ALPK1: variants seen among roughly 807,000 people sequenced by gnomAD.
ALPK1 encodes the protein alpha kinase 1.
A neutral mutation model predicts 120.6 loss-of-function variants in ALPK1; 110 were observed. That is an observed-to-expected ratio of 0.91 (90% CI 0.78 to 1.07). The LOEUF (loss-of-function observed/expected upper bound fraction) is 1.07. Among genes scored for constraint, ALPK1 ranks in the 50% least tolerant of loss-of-function variants. The pLI is 0.00. For missense variants in ALPK1, 1,498 were observed against 1,483.9 expected, an observed-to-expected ratio of 1.01 and a Z score of -0.16; for synonymous variants, 582 against 560.3, an observed-to-expected ratio of 1.04 and a Z score of -0.55.
chr4:112,394,878 C>A (rs1394002733), intron 4 of ALPK1, among the ~76,000 whole-genome samples: 1 of 152,160 alleles, frequency 6.6e-6, no homozygotes, highest in African/African-American at 2.4e-5. Context: ...AAGTGTTGGG[C>A]AGACAAAAGA....
chr4:112,420,488 G>A (rs1733940188), intron 5 of ALPK1, among the ~76,000 whole-genome samples: 1 of 152,162 alleles, frequency 6.6e-6, no homozygotes, highest in African/African-American at 2.4e-5. Flanking sequence ...GGACAAACAA[G>A]TCTTCTCAGG....
Position 112,432,492 on chromosome 4 carries a change from A to G in ALPK1, c.2945A>G (p.Lys982Arg). 6.2e-7 allele frequency: 1 copy of G among 1,614,190 alleles called. No individual in the cohort carries two copies. Among genetic ancestry groups the G allele is most frequent in the Non-Finnish European group, 8.5e-7 (1 of 1,180,036 alleles). ...ACCTTGCAACCTGATGACTTTGAAA[A>G]GCTGTTGGCAGGAGTGAGGCATGAT... is the stretch of plus-strand genomic sequence containing the variant. ...ARTLQPDDFE[K>R]LLAGVRHDWL... Residue 982 changes from lysine (K) to arginine (R), a missense_variant, in exon 11 of 16, where the codon AAG becomes AGG. Coordinates refer to ENST00000650871, the MANE Select transcript of ALPK1 (RefSeq NM_025144.4).
intron 4 of ALPK1, among the ~76,000 whole-genome samples, chr4:112,390,669 G>A (rs1411705219): frequency 3.3e-5 from 5 of 152,206 alleles, no homozygotes; most frequent in African/African-American, 1.2e-4. Flanking sequence ...GGTGTTTGAT[G>A]TGCATGTGTG....
At chr4:112,396,870 T>G (rs1444641877) in intron 4 of ALPK1, among the ~76,000 whole-genome samples, 1 of 151,798 alleles carries the variant, frequency 6.6e-6, no homozygotes, top group Non-Finnish European at 1.5e-5. Flanking sequence ...CTCCATCTCC[T>G]GGGTTCAAGC....
At chr4:112,330,171 G>T (rs1729304199) in intron 2 of ALPK1, among the ~76,000 whole-genome samples, 1 of 152,200 alleles carries the variant, frequency 6.6e-6, no homozygotes, top group South Asian at 2.1e-4. Context: ...AGACAACCAA[G>T]TCAAAAGAGG....
intron 11 of ALPK1, among the ~76,000 whole-genome samples, 188 bp from the exon 12 acceptor site, chr4:112,434,960 T>C (rs2023827): frequency 0.68 from 103,166 of 152,080 alleles, 35,142 homozygotes; most frequent in African/African-American, 0.73. Flanking sequence ...AAAGTGTTAC[T>C]TTTTTATTAT....
Position 112,377,741 on chromosome 4 carries a change from C to A in ALPK1, c.-37C>A, listed in dbSNP as rs779096036. On this transcript the variant is annotated 5_prime_UTR_variant, in exon 3 of 16. Coordinates refer to ENST00000650871, the MANE Select transcript of ALPK1 (RefSeq NM_025144.4). ...ATGTCTTCTCCTAGGTAATTGATCA[C>A]CCTAGACCCAGGGACACCCAATTCA... is the stretch of plus-strand genomic sequence containing the variant. The A allele has an allele frequency of 1.9e-6, 3 of 1,584,708 alleles. No homozygotes were observed. Among genetic ancestry groups the A allele is most frequent in the Non-Finnish European group, 2.6e-6 (3 of 1,160,424 alleles).
At chr4:112,356,694 GC>G (rs2148714049) in intron 2 of ALPK1, 1 of 974,624 alleles carries the variant, frequency 1.0e-6, no homozygotes, top group East Asian at 2.8e-5. Context: ...GAGCTGGCCA[GC>G]CCCATCCTGG....
At chr4:112,398,418 G>T (rs529864021) in intron 4 of ALPK1, among the ~76,000 whole-genome samples, 228 of 152,122 alleles carry the variant, frequency 1.5e-3, no homozygotes, top group Non-Finnish European at 3.0e-3. Context: ...TCAACCTCCA[G>T]AATAGCTGAG....
intron 2 of ALPK1, among the ~76,000 whole-genome samples, chr4:112,330,584 C>A (rs1357671228): frequency 1.3e-5 from 2 of 152,222 alleles, no homozygotes; most frequent in Non-Finnish European, 2.9e-5. Context: ...TCCACTCCTG[C>A]TTCTTCCCTT....
intron 2 of ALPK1, chr4:112,343,275 A>G (rs1729943879): frequency 6.6e-6 from 1 of 152,218 alleles, no homozygotes; most frequent in South Asian, 2.1e-4. Flanking sequence ...ACTTCGTTTT[A>G]ACTAGAAAAC....
intron 2 of ALPK1, chr4:112,356,269 C>A: frequency 8.1e-7 from 1 of 1,241,968 alleles, no homozygotes; most frequent in South Asian, 1.2e-5. Context: ...CGGGCACAGG[C>A]AAGACGCTGT....
chr4:112,304,230 A>G (rs929594304), intron 1 of ALPK1, among the ~76,000 whole-genome samples: 2 of 152,098 alleles, frequency 1.3e-5, no homozygotes, highest in Admixed American at 6.5e-5. Context: ...GTGTCTTTAT[A>G]GCAGCATGAT....
At chr4:112,437,294 T>A (rs1734828478) in intron 12 of ALPK1, among the ~76,000 whole-genome samples, 1 of 151,562 alleles carries the variant, frequency 6.6e-6, no homozygotes, top group African/African-American at 2.4e-5. Context: ...ATAAAGACAT[T>A]TGCAGCTTAA....
intron 2 of ALPK1, among the ~76,000 whole-genome samples, chr4:112,376,701 A>G (rs1386760467): frequency 1.3e-5 from 2 of 152,236 alleles, no homozygotes; most frequent in Non-Finnish European, 2.9e-5. Flanking sequence ...GCATAAGCTC[A>G]GAGACAGAAT....
intron 3 of ALPK1, among the ~76,000 whole-genome samples, chr4:112,378,139 G>A (rs1304467906): frequency 6.6e-6 from 1 of 152,062 alleles, no homozygotes; most frequent in Non-Finnish European, 1.5e-5. Context: ...GTAAACATGA[G>A]GCTACAAGAA....
chr4:112,392,754 C>T (rs1732476152), intron 4 of ALPK1, among the ~76,000 whole-genome samples: 2 of 152,016 alleles, frequency 1.3e-5, no homozygotes, highest in Admixed American at 1.3e-4. Flanking sequence ...TGGTCTCAAA[C>T]TCCTGAGCTC....
chr4:112,389,275 C>T (rs1391839049), intron 4 of ALPK1, among the ~76,000 whole-genome samples: 1 of 152,124 alleles, frequency 6.6e-6, no homozygotes, highest in Non-Finnish European at 1.5e-5. Context: ...AATCTCCTGA[C>T]CTTGTGATCC....
At chr4:112,321,435 T>G (rs553934759) in intron 2 of ALPK1, among the ~76,000 whole-genome samples, 1 of 152,312 alleles carries the variant, frequency 6.6e-6, no homozygotes, top group South Asian at 2.1e-4. Flanking sequence ...AAGTATGACC[T>G]TAGATTGTCT....
Sources: gnomAD v4.1 joint callset for allele counts (sites outside exome capture counted in the v4.1 genomes callset) on GRCh38, gnomAD v4.1.1 for gene constraint, MANE v1.5 for transcripts, NCBI Gene and HGNC (gene_info 2026-07-23, HGNC 2026-07-21) for gene names.